Variants in PRKX observed in about 807,000 individuals in gnomAD.
PRKX encodes the protein cAMP-dependent protein kinase catalytic subunit PRKX.
Under a neutral mutation model 22.0 loss-of-function variants are expected in PRKX, and 12 were observed. The observed-to-expected ratio is 0.54, with a 90% CI of 0.35 to 0.88. PRKX has a LOEUF of 0.88. PRKX is among the 40% of genes least tolerant of loss of function. The pLI, the probability that PRKX is intolerant of heterozygous loss-of-function variation, is 0.01. For missense variants in PRKX, 217 were observed against 308.0 expected (o/e 0.70, Z 2.21); for synonymous variants, 134 against 137.7 (o/e 0.97, Z 0.19).
chrX:3,705,992 G>A lies in PRKX; in HGVS notation c.166+7096C>T, dbSNP rs183049810. Among the ~76,000 whole-genome samples, 371 of 74,967 alleles carry A rather than the reference G, an allele frequency of 4.9e-3. 2 individuals carry two copies. Among genetic ancestry groups the A allele is most frequent in the African/African-American group, 0.029 (356 of 12,486 alleles). 65.1% of individuals were successfully genotyped at this position (74,967 alleles called of 115,157 possible). A position where few individuals can be genotyped will look rare whatever the true frequency, so the allele number is the denominator to read the frequency against. ...CAGGCATGAGCCACCGCACCCGGCC[G>A]GTTTTTCTTTAAAAAAAAAAAAAAA... On this transcript the variant is annotated intron_variant, in intron 1 of 8. Coordinates refer to ENST00000262848, the MANE Select transcript of PRKX (RefSeq NM_005044.5).
chrX:3,686,986 C>T (rs916558320), intron 1 of PRKX, among the ~76,000 whole-genome samples: 5 of 112,154 alleles, frequency 4.5e-5, no homozygotes, highest in African/African-American at 1.6e-4. Flanking sequence ...CACCAACCAT[C>T]TCCACTTGGA....
chrX:3,691,412 T>C (rs1928321884), intron 1 of PRKX, among the ~76,000 whole-genome samples: 1 of 59,058 alleles, frequency 1.7e-5, no homozygotes, highest in African/African-American at 6.4e-5. Context: ...GTATTCTCTC[T>C]TAACCCAGTC....
intron 2 of PRKX, among the ~76,000 whole-genome samples, chrX:3,662,477 C>T (rs190087810): frequency 0.014 from 1,546 of 109,937 alleles, 17 homozygotes; most frequent in Non-Finnish European, 0.021. Context: ...AGGTGGATCA[C>T]GAGGTCAGGA....
At chrX:3,659,708 GTTTTTTTTGTTT>G (rs1423146899) in intron 2 of PRKX, among the ~76,000 whole-genome samples, 5 of 60,168 alleles carry the variant, frequency 8.3e-5, no homozygotes, top group African/African-American at 5.0e-4. Context: ...TTGGAGTGGT[GTTTTTTTTGTTT>G]TTTTTTTTGT....
chrX:3,606,327 A>G lies in PRKX; in HGVS notation c.*2642T>C, dbSNP rs1288532797. ...CATTTCGCACCGTGATTGTTTCGTG[A>G]TCGTCCATGCGGACATTTTGGAATG... On this transcript the variant is annotated 3_prime_UTR_variant, in exon 9 of 9. Coordinates refer to ENST00000262848, the MANE Select transcript of PRKX (RefSeq NM_005044.5). 8.9e-6 allele frequency: 1 copy of G among 112,453 alleles called. No homozygotes were observed. Among genetic ancestry groups the G allele is most frequent in the Admixed American group, 9.4e-5 (1 of 10,664 alleles). The allele number at this position is 112,453 out of a possible 1,213,427, so 9.3% of individuals were successfully genotyped here.
chrX:3,698,118 C>T (rs189621246), intron 1 of PRKX, among the ~76,000 whole-genome samples: 26 of 111,844 alleles, frequency 2.3e-4, no homozygotes, highest in African/African-American at 7.8e-4. Context: ...TTCATCTGAA[C>T]ATTTGCCAAC....
chrX:3,647,670 T>C (rs2146577564), intron 3 of PRKX, among the ~76,000 whole-genome samples: 1 of 108,732 alleles, frequency 9.2e-6, no homozygotes, highest in Admixed American at 1.0e-4. Flanking sequence ...TTTATAATTA[T>C]ATACATAATT....
intron 4 of PRKX, among the ~76,000 whole-genome samples, chrX:3,632,135 G>C (rs1017168475): frequency 8.9e-6 from 1 of 112,063 alleles, no homozygotes; most frequent in East Asian, 2.8e-4. Flanking sequence ...AGGTGCGTGC[G>C]ACGTGGCCCT....
At chrX:3,703,140 G>T (rs1210908185) in intron 1 of PRKX, among the ~76,000 whole-genome samples, 2 of 111,289 alleles carry the variant, frequency 1.8e-5, no homozygotes, top group African/African-American at 6.6e-5. Context: ...AATGAGCTGG[G>T]CATGGTGGTG....
At chrX:3,654,439 T>A (rs1482294521) in intron 3 of PRKX, among the ~76,000 whole-genome samples, 1 of 95,663 alleles carries the variant, frequency 1.0e-5, no homozygotes, top group Non-Finnish European at 2.1e-5. Flanking sequence ...AGCAGGTGTG[T>A]ATGGAATATT....
chrX:3,692,838 A>T (rs1603474713), intron 1 of PRKX, among the ~76,000 whole-genome samples: 1 of 111,545 alleles, frequency 9.0e-6, no homozygotes, highest in East Asian at 2.8e-4. Flanking sequence ...TAAGCAACTG[A>T]ACTTTTATTG....
Position 3,630,330 on chromosome X carries a change from T to C in PRKX, c.720-3816A>G, listed in dbSNP as rs191804894. Among the ~76,000 whole-genome samples, 394 of 98,138 alleles carry C rather than the reference T, an allele frequency of 4.0e-3. 6 individuals carry two copies. The highest frequency in any genetic ancestry group is 8.0e-3 in the African/African-American group (237 of 29,478). The allele number at this position is 98,138 out of a possible 115,157, so 85.2% of individuals were successfully genotyped here. A position where few individuals can be genotyped will look rare whatever the true frequency, so the allele number is the denominator to read the frequency against. On this transcript the variant is annotated intron_variant, in intron 4 of 8. Coordinates refer to ENST00000262848, the MANE Select transcript of PRKX (RefSeq NM_005044.5). Reference sequence around the variant, plus strand: ...ATCCCAACACTTTGGGAGGCCAAGGTGGGCGGATCACGAGGTCAAGGAGAT... The same window carrying C: ...ATCCCAACACTTTGGGAGGCCAAGGCGGGCGGATCACGAGGTCAAGGAGAT...
chrX:3,702,395 C>T (rs1177645041), intron 1 of PRKX, among the ~76,000 whole-genome samples: 1 of 112,921 alleles, frequency 8.9e-6, no homozygotes, highest in Non-Finnish European at 1.9e-5. Context: ...TAGTTGTCAA[C>T]GATTTTAAAA....
chrX:3,697,601 A>T (rs1489797179), intron 1 of PRKX, among the ~76,000 whole-genome samples: 2 of 107,516 alleles, frequency 1.9e-5, no homozygotes, highest in Non-Finnish European at 3.8e-5. Flanking sequence ...GCTGGAGTAG[A>T]GTGGTGTGAT....
chrX:3,636,494 G>A (rs1284469349), intron 4 of PRKX, among the ~76,000 whole-genome samples: 1 of 112,998 alleles, frequency 8.8e-6, no homozygotes, highest in East Asian at 2.8e-4. Context: ...TGGCCCAGGA[G>A]AACAGGGGAG....
intron 1 of PRKX, among the ~76,000 whole-genome samples, chrX:3,697,322 C>A (rs1031132857): frequency 1.8e-5 from 2 of 111,089 alleles, no homozygotes; most frequent in African/African-American, 6.6e-5. Context: ...GCTATGATTA[C>A]GCCACTGCAC....
intron 4 of PRKX, among the ~76,000 whole-genome samples, chrX:3,638,730 G>C (rs1180685527): frequency 9.0e-6 from 1 of 110,796 alleles, no homozygotes; most frequent in Admixed American, 9.7e-5. Context: ...GGATAGGTAG[G>C]TAAGTAGATG....
intron 1 of PRKX, among the ~76,000 whole-genome samples, chrX:3,675,015 C>T (rs1355827735): frequency 8.9e-6 from 1 of 111,760 alleles, no homozygotes; most frequent in Non-Finnish European, 1.9e-5. Context: ...CAGAGAGAGC[C>T]ATCTGCCTCT....
At position 3,689,108 on chromosome X, in the gene PRKX, A is replaced by G. The variant is rs761106098; in HGVS notation, c.167-14342T>C. On this transcript the variant is annotated intron_variant, in intron 1 of 8. Coordinates refer to ENST00000262848, the MANE Select transcript of PRKX (RefSeq NM_005044.5). ...ATCAACATAGGTTCAATTTATGTTA[A>G]ATTGATAAGTGAAACCGACGCATTG... 1.5e-4 allele frequency among the ~76,000 whole-genome samples: 17 copies of G among 112,490 alleles called. No individual in the cohort carries two copies. In the South Asian group the frequency reaches 6.2e-3, roughly 41 times the overall value.
Sources: allele counts gnomAD v4.1 joint callset (sites outside exome capture counted in the v4.1 genomes callset), GRCh38; gene constraint gnomAD v4.1.1; transcripts MANE v1.5; gene names NCBI Gene and HGNC (gene_info 2026-07-23, HGNC 2026-07-21).